SLC25A28: variants seen among roughly 807,000 people sequenced by gnomAD.
SLC25A28 encodes the protein mitoferrin-2.
A neutral mutation model predicts 31.9 loss-of-function variants in SLC25A28; 10 were observed. The ratio of observed to expected loss-of-function variants is 0.31; its 90% CI spans 0.19 to 0.53. SLC25A28 has a LOEUF of 0.53. Among genes scored for constraint, SLC25A28 ranks in the 20% least tolerant of loss-of-function variants. The pLI, the probability that SLC25A28 is intolerant of heterozygous loss-of-function variation, is 0.95. For synonymous variants in SLC25A28, 208 were observed against 203.6 expected (o/e 1.02, Z -0.19); for missense variants, 256 against 490.3 (o/e 0.52, Z 4.51).
the SLC25A28 span, among the ~76,000 whole-genome samples, chr10:99,655,607 T>C: frequency 6.6e-6 from 1 of 152,226 alleles, no homozygotes; most frequent in East Asian, 1.9e-4. Flanking sequence ...ATCGTTTTTT[T>C]CTTTCAATAA....
intron 1 of SLC25A28, 78 bp downstream of exon 1, chr10:99,619,967 G>C: frequency 7.1e-7 from 1 of 1,408,414 alleles, no homozygotes. Context: ...CCGGCTCTCA[G>C]CCGGGATCCT....
At chr10:99,646,673 C>T in the SLC25A28 span, among the ~76,000 whole-genome samples, 19 of 152,156 alleles carry the variant, frequency 1.2e-4, no homozygotes, top group African/African-American at 3.9e-4. Flanking sequence ...TGTTCCTATT[C>T]GACCATCTTG....
the SLC25A28 span, among the ~76,000 whole-genome samples, chr10:99,646,203 T>C: frequency 6.6e-6 from 1 of 152,204 alleles, no homozygotes. Context: ...TGTGGTTGGC[T>C]CCAGCCCATT....
the SLC25A28 span, among the ~76,000 whole-genome samples, chr10:99,627,623 G>A: frequency 1.3e-5 from 2 of 151,880 alleles, no homozygotes; most frequent in African/African-American, 2.4e-5. Flanking sequence ...TTGAATTTTA[G>A]TAGAGACAAG....
At chr10:99,620,632 G>C (rs2034770277), upstream of SLC25A28, 1 of 994,252 alleles carries the variant, frequency 1.0e-6, no homozygotes, top group African/African-American at 1.7e-5. Context: ...GATCTTAGAA[G>C]CTTCTTGTTT....
chr10:99,640,782 T>C, the SLC25A28 span, among the ~76,000 whole-genome samples: 1 of 152,090 alleles, frequency 6.6e-6, no homozygotes, highest in Middle Eastern at 3.4e-3. Flanking sequence ...GTTCTCATTG[T>C]TCAAGTCCCA....
At chr10:99,619,187 C>T in intron 1 of SLC25A28, 1 of 985,456 alleles carries the variant, frequency 1.0e-6, no homozygotes, top group Non-Finnish European at 1.2e-6. Flanking sequence ...ATTAGTTTTA[C>T]TTTCACAAGA....
chr10:99,637,915 G>A, the SLC25A28 span, among the ~76,000 whole-genome samples: 13 of 151,914 alleles, frequency 8.6e-5, no homozygotes, highest in African/African-American at 2.4e-4. Context: ...TCAAAATACC[G>A]TCATCATTCT....
Position 99,610,930 on chromosome 10 carries a change from G to C in SLC25A28, c.1014C>G (p.Ser338=), listed in dbSNP as rs770503755. Residue 338 remains serine, a synonymous_variant, in exon 4 of 4, where the codon TCC becomes TCG. Transcript: ENST00000370495. ...VQARVIYQIP[S]TAIAWSVYEF... is the part of the protein sequence containing the mutation. ...CATACACAGACCATGCGATGGCTGT[G>C]GAGGGGATCTGGTAAATTACTCTGG... 19 of 1,614,206 alleles carry C rather than the reference G, an allele frequency of 1.2e-5. No homozygotes were observed. The highest frequency in any genetic ancestry group is 1.6e-5 in the Non-Finnish European group (19 of 1,180,034).
the SLC25A28 span, among the ~76,000 whole-genome samples, chr10:99,627,649 C>T: frequency 1.3e-5 from 2 of 151,852 alleles, no homozygotes; most frequent in Admixed American, 6.6e-5. Context: ...ATTATGTTGC[C>T]CAGACTAGTC....
At chr10:99,624,077 C>A (rs769012906), upstream of SLC25A28, among the ~76,000 whole-genome samples, 67 of 149,782 alleles carry the variant, frequency 4.5e-4, no homozygotes, top group Non-Finnish European at 9.2e-4. Flanking sequence ...TCTCTTTCTT[C>A]CTTCCTTTCT....
intron 1 of SLC25A28, chr10:99,618,640 A>G (rs2133357418): frequency 1.0e-6 from 1 of 985,468 alleles, no homozygotes; most frequent in African/African-American, 1.7e-5. Flanking sequence ...TGACAAGGAC[A>G]TTTAACATTC....
At chr10:99,617,084 A>C in intron 1 of SLC25A28, 1 of 985,388 alleles carries the variant, frequency 1.0e-6, no homozygotes, top group South Asian at 4.7e-5. Context: ...ATATAAGTGG[A>C]TATTTGCTTT....
At chr10:99,650,536 A>T in the SLC25A28 span, among the ~76,000 whole-genome samples, 1 of 151,884 alleles carries the variant, frequency 6.6e-6, no homozygotes, top group African/African-American at 2.4e-5. Context: ...CCCAACATTA[A>T]ACTCTCAAAA....
the SLC25A28 span, among the ~76,000 whole-genome samples, chr10:99,627,448 T>G: frequency 6.6e-6 from 1 of 151,388 alleles, no homozygotes; most frequent in Non-Finnish European, 1.5e-5. Context: ...CATCTTGTTT[T>G]TTTTTTTTTT....
chr10:99,611,429 C>A lies in SLC25A28; in HGVS notation c.578-63G>T. 1 of 1,576,788 alleles carries A rather than the reference C, an allele frequency of 6.3e-7. No homozygotes were observed. Among genetic ancestry groups the A allele is most frequent in the Middle Eastern group, 1.9e-4 (1 of 5,352 alleles). ...CAGCCAACCGGTGATGGAGAGTATC[C>A]AGATTCAGAGCCCCAAGTCAGCAGA... On this transcript the variant is annotated intron_variant, in intron 3 of 3. Transcript: ENST00000370495. The surrounding 1 kb of genome is among the most constrained non-coding windows in gnomAD (Gnocchi z 5.5).
At chr10:99,622,578 G>A (rs550904853), upstream of SLC25A28, 3 of 870,236 alleles carry the variant, frequency 3.4e-6, no homozygotes, top group East Asian at 2.4e-4. Context: ...CAAATCCATC[G>A]GTCTTTTTCC....
In SLC25A28 at chr10:99,618,901, CTGATT is replaced by C. The variant is rs1169967127; in HGVS notation, c.291+1139_291+1143del. On this transcript the variant is annotated intron_variant, in intron 1 of 3. Coordinates refer to ENST00000370495, the MANE Select transcript of SLC25A28 (RefSeq NM_031212.4). Reference sequence around the variant, plus strand: ...CTCCTTTTGAATACATAACACTTTCCTGATTTGAAGAGAAAACATACATCAAAAAG... The same window carrying C: ...CTCCTTTTGAATACATAACACTTTCCTGAAGAGAAAACATACATCAAAAAG... 3 of 985,284 alleles carry C rather than the reference CTGATT, an allele frequency of 3.0e-6. No individual in the cohort carries two copies. The East Asian group carries it at 3.4e-4, about 112-fold the overall frequency. The allele number at this position is 985,284 out of a possible 1,614,324, so 61.0% of individuals were successfully genotyped here. A position where few individuals can be genotyped will look rare whatever the true frequency, so the allele number is the denominator to read the frequency against.
chr10:99,615,481 G>A, intron 1 of SLC25A28: 3 of 985,178 alleles, frequency 3.0e-6, no homozygotes, highest in Non-Finnish European at 3.6e-6. Flanking sequence ...TTAGCTGCAA[G>A]CAATCCACAT....
Sources: allele counts gnomAD v4.1 joint callset (sites outside exome capture counted in the v4.1 genomes callset), GRCh38; gene constraint gnomAD v4.1.1; non-coding constraint Gnocchi (gnomAD v3.1); transcripts MANE v1.5; gene names NCBI Gene and HGNC (gene_info 2026-07-23, HGNC 2026-07-21).